CEP192: variants seen among roughly 807,000 people sequenced by gnomAD.
CEP192 encodes the protein centrosomal protein of 192 kDa.
In CEP192, 151 loss-of-function variants were observed where a neutral mutation model predicts 271.8. The ratio of observed to expected loss-of-function variants is 0.56; its 90% confidence interval spans 0.49 to 0.64. The LOEUF (loss-of-function observed/expected upper bound fraction) is 0.64, where lower values mean the gene tolerates loss of function less well. Ranked by LOEUF, CEP192 falls within the 30% of genes least tolerant of loss-of-function variation. CEP192 has a pLI of 0.00. For synonymous variants in CEP192, 995 were observed against 1,076.5 expected (o/e 0.92, Z 1.48); for missense variants, 2,910 against 3,020.5 (o/e 0.96, Z 0.86).
chr18:13,117,080 C>T (rs752059158), intron 43 of CEP192, among the ~76,000 whole-genome samples: 27 of 151,752 alleles, frequency 1.8e-4, no homozygotes, highest in Admixed American at 5.3e-4. Context: ...AAAAATTAAC[C>T]GGGCATGGTG....
chr18:13,040,985 G>C (rs750682027), intron 14 of CEP192, 29 bp downstream of exon 14: 2 of 1,580,196 alleles, frequency 1.3e-6, no homozygotes, highest in South Asian at 1.2e-5. Flanking sequence ...GGGCTTTTAG[G>C]AATCTTTTTT....
chr18:13,122,159 C>T (rs1216783488), intron 44 of CEP192, among the ~76,000 whole-genome samples: 1 of 152,214 alleles, frequency 6.6e-6, no homozygotes, highest in Non-Finnish European at 1.5e-5. Context: ...CGCGGTGGCT[C>T]ATGCCTGTAA....
At chr18:13,055,388 A>T (rs1338242280) in intron 18 of CEP192, among the ~76,000 whole-genome samples, 1 of 152,086 alleles carries the variant, frequency 6.6e-6, no homozygotes. Flanking sequence ...GCCTGACCTC[A>T]AAGTTGTTAC....
intron 5 of CEP192, among the ~76,000 whole-genome samples, chr18:13,013,559 G>C (rs547376394): frequency 6.6e-6 from 1 of 152,316 alleles, no homozygotes; most frequent in East Asian, 1.9e-4. Context: ...ACTGTGCCAA[G>C]GGGTGGGTTG....
chr18:13,051,046 TCTGAGACTAGC>T (rs1276477344), intron 17 of CEP192, among the ~76,000 whole-genome samples: 1 of 152,256 alleles, frequency 6.6e-6, no homozygotes, highest in Non-Finnish European at 1.5e-5. Context: ...TAGAGGGATA[TCTGAGACTAGC>T]CTGATTCTTT....
At chr18:13,070,361 C>T (rs1036261266) in intron 27 of CEP192, among the ~76,000 whole-genome samples, 2 of 152,018 alleles carry the variant, frequency 1.3e-5, no homozygotes, top group African/African-American at 2.4e-5. Context: ...CCAGCTGAAT[C>T]GAAATGAATA....
At position 13,086,998 on chromosome 18, in the gene CEP192, A is replaced by T. The variant is rs1447111613; in HGVS notation, c.5617-19A>T. 6.5e-7 allele frequency: 1 copy of T among 1,546,906 alleles called. No homozygotes were observed. Among genetic ancestry groups the T allele is most frequent in the East Asian group, 2.3e-5 (1 of 44,224 alleles). On this transcript the variant is annotated intron_variant, in intron 30 of 44. Transcript: ENST00000506447. ...CTGCTTAACATTAAAATAATTTTGG[A>T]TATGTATATCTTTTTTAGATACCTT...
At chr18:13,007,054 G>A (rs1364907957) in intron 3 of CEP192, among the ~76,000 whole-genome samples, 1 of 152,072 alleles carries the variant, frequency 6.6e-6, no homozygotes, top group Non-Finnish European at 1.5e-5. Context: ...TGTAGTCAAG[G>A]AACATTTTTG....
At chr18:13,063,131 A>G (rs2037499775) in intron 21 of CEP192, among the ~76,000 whole-genome samples, 1 of 152,208 alleles carries the variant, frequency 6.6e-6, no homozygotes, top group African/African-American at 2.4e-5. Flanking sequence ...TCATCTCTTG[A>G]TGAACACTTA....
chr18:13,014,981 T>C (rs1014927404), intron 5 of CEP192, among the ~76,000 whole-genome samples: 2 of 152,216 alleles, frequency 1.3e-5, no homozygotes, highest in Non-Finnish European at 2.9e-5. Context: ...CTGCCTGGTC[T>C]AGCTTTGCTG....
chr18:13,073,332 T>C, intron 30 of CEP192, 147 bp downstream of exon 30: 1 of 717,110 alleles, frequency 1.4e-6, no homozygotes, highest in East Asian at 2.7e-5. Flanking sequence ...GAGTAATTTA[T>C]ATGCTTTGTA....
rs753607380 is a variant in CEP192, at chr18:13,092,416, T to C, written c.6143T>C (p.Phe2048Ser). 1 of 1,604,228 alleles carries C rather than the reference T, an allele frequency of 6.2e-7. No homozygotes were observed. Among genetic ancestry groups the C allele is most frequent in the South Asian group, 1.1e-5 (1 of 89,848 alleles). The change falls in exon 34 of 45, where the codon TTT becomes TCT. Residue 2048 changes from phenylalanine to serine, a missense_variant. Transcript: ENST00000506447. Reference protein sequence around the residue: ...LPQRPNDVQLFYGSMCKIILS... With the variant: ...LPQRPNDVQLSYGSMCKIILS... ...CAACGACCTAATGATGTTCAGCTCT[T>C]TTATGGAAGCATGTGTAAAATTATA...
At chr18:13,080,711 G>C (rs1211636900) in intron 30 of CEP192, among the ~76,000 whole-genome samples, 2 of 152,154 alleles carry the variant, frequency 1.3e-5, no homozygotes, top group African/African-American at 4.8e-5. Context: ...TCCCTGTCTT[G>C]TGCCAGTTTT....
chr18:13,096,466 T>A (rs2039405192), intron 36 of CEP192, among the ~76,000 whole-genome samples, 159 bp downstream of exon 36: 1 of 152,100 alleles, frequency 6.6e-6, no homozygotes, highest in African/African-American at 2.4e-5. Context: ...CAGCTGTGAG[T>A]TCAAGTGGTA....
In CEP192 at chr18:13,067,891, G is replaced by T. The variant is rs1315742608; in HGVS notation, c.4549G>T (p.Ala1517Ser). 1.2e-6 allele frequency: 2 copies of T among 1,612,642 alleles called. No individual in the cohort carries two copies. Among genetic ancestry groups the T allele is most frequent in the South Asian group, 1.1e-5 (1 of 91,036 alleles). The part of the protein sequence containing the change: ...FGDLTYGGWK[A>S]LPLKLINRTH... ...TGACTTGACTTATGGAGGCTGGAAA[G>T]CCCTCCCACTAAAATTGATAAACCG... The change falls in exon 22 of 45, where the codon GCC (alanine) becomes TCC (serine). Residue 1517 changes from alanine (A) to serine (S), a missense_variant. Transcript: ENST00000506447.
intron 18 of CEP192, among the ~76,000 whole-genome samples, chr18:13,053,478 C>T (rs2144082527): frequency 6.6e-6 from 1 of 152,242 alleles, no homozygotes; most frequent in Admixed American, 6.5e-5. Flanking sequence ...AGCGGGGAAG[C>T]AGAGTTAACA....
At chr18:12,992,868 G>A (rs1282379353) in intron 1 of CEP192, among the ~76,000 whole-genome samples, 1 of 152,180 alleles carries the variant, frequency 6.6e-6, no homozygotes, top group Non-Finnish European at 1.5e-5. Flanking sequence ...TTCATGGTTT[G>A]TGTTTGATAA....
At chr18:13,065,032 T>A (rs1330392616) in intron 21 of CEP192, among the ~76,000 whole-genome samples, 3 of 152,206 alleles carry the variant, frequency 2.0e-5, no homozygotes, top group African/African-American at 7.2e-5. Context: ...TTTAATTCTA[T>A]GTGTGGTATT....
At position 13,059,234 on chromosome 18, in the gene CEP192, T is replaced by G; in HGVS notation, c.4410T>G (p.Asp1470Glu). ...FSVASWPCST[D>E]AETIVQAEAL... is the part of the protein sequence containing the mutation. The stretch of plus-strand genomic sequence containing the variant: ...TTGCTTCTTGGCCATGTTCGACAGA[T>G]GCTGAGACCATCGTACAGGCAGAAG... Residue 1470 changes from aspartate to glutamate, a missense_variant, in exon 21 of 45, where the codon GAT becomes GAG. Asp to Glu is a conservative substitution (Grantham distance 45). Transcript: ENST00000506447. 3.7e-6 allele frequency: 6 copies of G among 1,614,220 alleles called. No homozygotes were observed. The highest frequency in any genetic ancestry group is 5.1e-6 in the Non-Finnish European group (6 of 1,180,038).
Sources: allele counts gnomAD v4.1 joint callset (sites outside exome capture counted in the v4.1 genomes callset), GRCh38; gene constraint gnomAD v4.1.1; transcripts MANE v1.5; gene names NCBI Gene and HGNC (gene_info 2026-07-23, HGNC 2026-07-21).